NDOR1: variants seen among roughly 807,000 people sequenced by gnomAD.
The protein encoded by NDOR1 is NADPH-dependent diflavin oxidoreductase 1.
Under a neutral mutation model 67.2 loss-of-function variants are expected in NDOR1, and 61 were observed. The ratio of observed to expected loss-of-function variants is 0.91; its 90% CI spans 0.74 to 1.12. NDOR1 has a LOEUF of 1.12. Ranked by LOEUF, NDOR1 falls within the 50% of genes most tolerant of loss-of-function variation. The pLI is 0.00. For missense variants in NDOR1, 878 were observed against 802.8 expected (o/e 1.09, Z -1.13); for synonymous variants, 378 against 343.7 (o/e 1.10, Z -1.10).
intron 2 of NDOR1, among the ~76,000 whole-genome samples, chr9:137,208,911 G>A (rs759486059): frequency 3.3e-5 from 5 of 151,836 alleles, no homozygotes; most frequent in Non-Finnish European, 7.4e-5. Context: ...ACGGAGTCTC[G>A]CTCTGTCGCC....
Position 137,216,580 on chromosome 9 carries a change from G to C in NDOR1, c.*164G>C, listed in dbSNP as rs983857440. ...CACAGCCGCACTCCTGTTGACCCTG[G>C]ATCCCACCCTTTGAGCCTGACCCCA... On this transcript the variant is annotated 3_prime_UTR_variant, in exon 14 of 14. Coordinates refer to ENST00000684003, the MANE Select transcript of NDOR1 (RefSeq NM_014434.4). 3.2e-6 allele frequency: 3 copies of C among 929,678 alleles called. No homozygotes were observed. The African/African-American group carries it at 5.0e-5, about 16-fold the overall frequency. 57.6% of individuals were successfully genotyped at this position (929,678 alleles called of 1,614,324 possible).
intron 2 of NDOR1, among the ~76,000 whole-genome samples, chr9:137,207,277 A>G (rs1835013796): frequency 6.6e-6 from 1 of 151,928 alleles, no homozygotes; most frequent in African/African-American, 2.4e-5. Flanking sequence ...CAGTGGTGTC[A>G]GGAAGAGAGA....
In NDOR1 at chr9:137,213,991, G is replaced by T. The variant is rs1422368654; in HGVS notation, c.435G>T (p.Trp145Cys). 1 of 1,556,348 alleles carries T rather than the reference G, an allele frequency of 6.4e-7. No individual in the cohort carries two copies. The highest frequency in any genetic ancestry group is 8.7e-7 in the Non-Finnish European group (1 of 1,151,622). The change falls in exon 5 of 14, where the codon TGG (tryptophan) becomes TGT (cysteine). Residue 145 changes from tryptophan to cysteine, a missense_variant. Transcript: ENST00000684003. ...GGCCCGACGCTGCTGTGGACCCCTG[G>T]CTGCGAGACTTGTGGGACAGGGTTC... ...ELGPDAAVDP[W>C]LRDLWDRVLG...
chr9:137,217,219 G>A lies in NDOR1; in HGVS notation c.*803G>A, dbSNP rs964562405. On this transcript the variant is annotated 3_prime_UTR_variant, in exon 14 of 14. Transcript: ENST00000684003. ...CACCCTTGTTGGGCTGCCTGTGCCC[G>A]AGTGGCCTCTGCAGCTCTTATGTCT... Among the ~76,000 whole-genome samples, 10 of 152,158 alleles carry A rather than the reference G, an allele frequency of 6.6e-5. No individual in the cohort carries two copies. The highest frequency in any genetic ancestry group is 1.9e-4 in the African/African-American group (8 of 41,440).
rs1459107841 is a variant in NDOR1 at position 137,214,377 on chromosome 9, G to A, written c.686G>A (p.Arg229Gln). Reference sequence around the variant, plus strand: ...GGCCCCTCCCACTTCCAGGACGTTCGGCTGATTGAGTTTGACATCTTGGGC... The same window carrying A: ...GGCCCCTCCCACTTCCAGGACGTTCAGCTGATTGAGTTTGACATCTTGGGC... ...VTGPSHFQDV[R>Q]LIEFDILGSG... The change falls in exon 6 of 14, where the codon CGG (arginine) becomes CAG (glutamine). Residue 229 changes from arginine to glutamine, a missense_variant. By Grantham distance (43) the Arg-to-Gln change is conservative. Coordinates refer to ENST00000684003, the MANE Select transcript of NDOR1 (RefSeq NM_014434.4). 24 of 1,614,164 alleles carry A rather than the reference G, an allele frequency of 1.5e-5. No individual in the cohort carries two copies. The highest frequency in any genetic ancestry group is 1.6e-4 in the Middle Eastern group (1 of 6,062).
At position 137,215,218 on chromosome 9, in the gene NDOR1, G is replaced by T. The variant is rs780999612; in HGVS notation, c.1173+16G>T. ...CTCGCTGCTGGTGAGGGGCCTGGTG[G>T]TTGGAGCCCAGGACCGGCCCTGGGA... On this transcript the variant is annotated intron_variant, in intron 9 of 13. Coordinates refer to ENST00000684003, the MANE Select transcript of NDOR1 (RefSeq NM_014434.4). 1 of 1,606,314 alleles carries T rather than the reference G, an allele frequency of 6.2e-7. No homozygotes were observed. Among genetic ancestry groups the T allele is most frequent in the East Asian group, 2.2e-5 (1 of 44,754 alleles).
rs1030968483 is a variant in NDOR1, at chr9:137,218,004, G to T, written c.*1588G>T. ...CTGCTGGGGGCCAAAGCCATGGAGGGTGCCTGGGCCCTTCCAACCTGGAAG... is the reference window on the plus strand; with the variant it reads ...CTGCTGGGGGCCAAAGCCATGGAGGTTGCCTGGGCCCTTCCAACCTGGAAG... On this transcript the variant is annotated 3_prime_UTR_variant, in exon 14 of 14. Coordinates refer to ENST00000684003, the MANE Select transcript of NDOR1 (RefSeq NM_014434.4). The T allele has an allele frequency of 1.3e-5, 5 of 399,126 alleles. No individual in the cohort carries two copies. Among genetic ancestry groups the T allele is most frequent in the Non-Finnish European group, 2.2e-5 (5 of 226,498 alleles). The allele number at this position is 399,126 out of a possible 1,614,324, so 24.7% of individuals were successfully genotyped here.
rs1484868401 is a variant in NDOR1, at chr9:137,214,292, G to A, written c.601G>A (p.Glu201Lys). ...GCGGGTAGCTCACCCCGGCTCTCAGGAGCCCCCGTCAGAGTCGAAGCCCTT... is the reference window on the plus strand; with the variant it reads ...GCGGGTAGCTCACCCCGGCTCTCAGAAGCCCCCGTCAGAGTCGAAGCCCTT... ...GQRVAHPGSQ[E>K]PPSESKPFLA... The change falls in exon 6 of 14, where the codon GAG becomes AAG. Residue 201 changes from glutamate (E) to lysine (K), a missense_variant. Physicochemically the swap from Glu to Lys is moderately conservative, Grantham distance 56. Coordinates refer to ENST00000684003, the MANE Select transcript of NDOR1 (RefSeq NM_014434.4). 4 of 1,613,936 alleles carry A rather than the reference G, an allele frequency of 2.5e-6. No individual in the cohort carries two copies. In the South Asian group the frequency reaches 3.3e-5, roughly 13 times the overall value.
At chr9:137,215,373 T>G in intron 9 of NDOR1, 34 bp from the exon 10 acceptor site, 1 of 1,597,800 alleles carries the variant, frequency 6.3e-7, no homozygotes, top group Non-Finnish European at 8.6e-7. Context: ...AGGGCAGCCT[T>G]GTTCCACCAC....
rs1368935891 is a variant in NDOR1, at chr9:137,217,628, C to T, written c.*1212C>T. 3 of 207,242 alleles carry T rather than the reference C, an allele frequency of 1.4e-5. No homozygotes were observed. Among genetic ancestry groups the T allele is most frequent in the Middle Eastern group, 1.5e-3 (1 of 674 alleles). 12.8% of individuals were successfully genotyped at this position (207,242 alleles called of 1,614,324 possible). A position where few individuals can be genotyped will look rare whatever the true frequency, so the allele number is the denominator to read the frequency against. ...GCGTGGGCCCAGGATCCACCCAGAG[C>T]AGGCAGGCCTTGCTGGGGCCCCAGT... On this transcript the variant is annotated 3_prime_UTR_variant, in exon 14 of 14. Coordinates refer to ENST00000684003, the MANE Select transcript of NDOR1 (RefSeq NM_014434.4).
At position 137,214,439 on chromosome 9, in the gene NDOR1, G is replaced by A. The variant is rs777213725; in HGVS notation, c.722+26G>A. 13 of 1,598,004 alleles carry A rather than the reference G, an allele frequency of 8.1e-6. No homozygotes were observed. In the African/African-American group the frequency reaches 1.7e-4, roughly 21 times the overall value. Reference sequence around the variant, plus strand: ...GTGGGGACTGCTGGGGACCGAGGAGGGCAAGGTGAGGTGGGCCGTGGGTCT... The same window carrying A: ...GTGGGGACTGCTGGGGACCGAGGAGAGCAAGGTGAGGTGGGCCGTGGGTCT... On this transcript the variant is annotated intron_variant, in intron 6 of 13. Transcript: ENST00000684003.
At position 137,205,868 on chromosome 9, in the gene NDOR1, C is replaced by T. The variant is rs2131360548; in HGVS notation, c.91C>T (p.Arg31Trp). The change falls in exon 1 of 14, where the codon CGG becomes TGG. Residue 31 changes from arginine (R) to tryptophan (W), a missense_variant. Coordinates refer to ENST00000684003, the MANE Select transcript of NDOR1 (RefSeq NM_014434.4). ...GAGACTGGGTCGCGAGGCCCGGCGC[C>T]GGCGGCTTGGCTGCCGGGTGCAGGC... The part of the protein sequence containing the change: ...SERLGREARR[R>W]RLGCRVQALD... 3 of 1,600,256 alleles carry T rather than the reference C, an allele frequency of 1.9e-6. No individual in the cohort carries two copies. The highest frequency in any genetic ancestry group is 2.5e-6 in the Non-Finnish European group (3 of 1,178,284).
At chr9:137,215,313 C>T (rs1045938564) in intron 9 of NDOR1, 94 bp from the exon 10 acceptor site, 53 of 1,531,560 alleles carry the variant, frequency 3.5e-5, no homozygotes, top group African/African-American at 3.4e-4. Context: ...TTCCCCCAGT[C>T]GGACTGCCTC....
At chr9:137,211,795 G>A (rs1250401405) in intron 2 of NDOR1, among the ~76,000 whole-genome samples, 5 of 152,016 alleles carry the variant, frequency 3.3e-5, no homozygotes, top group Non-Finnish European at 4.4e-5. Context: ...GCTTGGCCAC[G>A]GGAAGGGGAG....
intron 2 of NDOR1, among the ~76,000 whole-genome samples, 182 bp downstream of exon 2, chr9:137,206,491 G>A (rs947605926): frequency 3.3e-5 from 5 of 152,186 alleles, no homozygotes; most frequent in Non-Finnish European, 7.3e-5. Context: ...TAAACTCGTC[G>A]TAGCCACCAA....
Position 137,212,561 on chromosome 9 carries a change from C to T in NDOR1, c.273C>T (p.Asp91=). ...NLPSTALCQM[D]FAVLGLGDSS... ...CCTCCACTGCCCTCTGTCAGATGGA[C>T]TTTGCCGTCCTGGGCCTCGGGGACT... The change falls in exon 3 of 14, where the codon GAC becomes GAT. Residue 91 remains aspartate, a synonymous_variant. Transcript: ENST00000684003. The surrounding 1 kb of genome is among the most constrained non-coding windows in gnomAD (Gnocchi z 4.3). 3 of 1,614,106 alleles carry T rather than the reference C, an allele frequency of 1.9e-6. No homozygotes were observed. Among genetic ancestry groups the T allele is most frequent in the Non-Finnish European group, 2.5e-6 (3 of 1,179,978 alleles).
In NDOR1 at chr9:137,216,365, T is replaced by C; in HGVS notation, c.1743T>C (p.Tyr581=). The C allele has an allele frequency of 1.2e-6, 2 of 1,608,538 alleles. No individual in the cohort carries two copies. Among genetic ancestry groups the C allele is most frequent in the Non-Finnish European group, 1.7e-6 (2 of 1,179,926 alleles). ...TCTGCAGCCCGGACGCAGCCGCGTA[T>C]CTAGCCAGGCTCCAGCAGACACGGC... The part of the protein sequence containing the change: ...GGLCSPDAAA[Y]LARLQQTRRF... Residue 581 remains tyrosine (Y), a synonymous_variant, in exon 14 of 14, where the codon TAT becomes TAC. Transcript: ENST00000684003.
Position 137,215,811 on chromosome 9 carries a change from C to G in NDOR1, c.1435+6C>G, listed in dbSNP as rs369533546. 6.3e-7 allele frequency: 1 copy of G among 1,598,920 alleles called. No homozygotes were observed. Among genetic ancestry groups the G allele is most frequent in the Non-Finnish European group, 8.5e-7 (1 of 1,172,132 alleles). On this transcript the variant is annotated splice_donor_region_variant and intron_variant, in intron 11 of 13. Transcript: ENST00000684003. ...TGTGGCCCAGGGCCAGACTGGTGAG[C>G]ACCCAGGGTCTCCGGGCAGGGTTGT...
In NDOR1 at chr9:137,218,370, A is replaced by G; in HGVS notation, c.*1954A>G. Reference sequence around the variant, plus strand: ...CCCTGGGGCTCCCTGGAGCACCGCTACCAGCTGCGCTTCCTGGCAGGGCCC... The same window carrying G: ...CCCTGGGGCTCCCTGGAGCACCGCTGCCAGCTGCGCTTCCTGGCAGGGCCC... On this transcript the variant is annotated 3_prime_UTR_variant, in exon 14 of 14. Coordinates refer to ENST00000684003, the MANE Select transcript of NDOR1 (RefSeq NM_014434.4). 1 of 398,400 alleles carries G rather than the reference A, an allele frequency of 2.5e-6. No individual in the cohort carries two copies. Among genetic ancestry groups the G allele is most frequent in the Non-Finnish European group, 4.4e-6 (1 of 226,062 alleles). 24.7% of individuals were successfully genotyped at this position (398,400 alleles called of 1,614,324 possible).
Sources: gnomAD v4.1 joint callset for allele counts (sites outside exome capture counted in the v4.1 genomes callset) on GRCh38, gnomAD v4.1.1 for gene constraint, Gnocchi (gnomAD v3.1) non-coding constraint, MANE v1.5 for transcripts, NCBI Gene and HGNC (gene_info 2026-07-23, HGNC 2026-07-21) for gene names.